CHRDL2: variants seen among roughly 807,000 people sequenced by gnomAD.
CHRDL2 encodes chordin like 2.
A neutral mutation model predicts 54.3 loss-of-function variants in CHRDL2; 41 were observed. The observed-to-expected ratio is 0.76, with a 90% CI of 0.59 to 0.98. CHRDL2 has a LOEUF of 0.98. Ranked by LOEUF, CHRDL2 falls within the 50% of genes least tolerant of loss-of-function variation. The pLI, the probability that CHRDL2 is intolerant of heterozygous loss-of-function variation, is 0.00. For missense variants in CHRDL2, 518 were observed against 562.4 expected (o/e 0.92, Z 0.80); for synonymous variants, 220 against 224.3 (o/e 0.98, Z 0.17).
intron 1 of CHRDL2, among the ~76,000 whole-genome samples, chr11:74,719,822 AC>A (rs2034462937): frequency 6.6e-6 from 1 of 151,844 alleles, no homozygotes; most frequent in African/African-American, 2.4e-5. Flanking sequence ...ACCTCCCATA[AC>A]CCACTGATCC....
chr11:74,728,528 T>TTTGTTG lies in CHRDL2; in HGVS notation c.82+2273_82+2278dup, dbSNP rs5742048. ...TCCAGGACCCAGGTCTGTTCTGTTTTTTGTTGTTGTTGTTGTTGTTGTTTT... is the reference window on the plus strand; with the variant it reads ...TCCAGGACCCAGGTCTGTTCTGTTTTTTGTTGTTGTTGTTGTTGTTGTTGTTGTTTT... On this transcript the variant is annotated intron_variant, in intron 1 of 10. Transcript: ENST00000376332. Among the ~76,000 whole-genome samples, 94 of 150,696 alleles carry TTTGTTG rather than the reference T, an allele frequency of 6.2e-4. 1 individual carries two copies. Among genetic ancestry groups the TTTGTTG allele is most frequent in the South Asian group, 5.3e-3 (25 of 4,732 alleles).
chr11:74,725,138 G>A (rs2034554037), intron 1 of CHRDL2, among the ~76,000 whole-genome samples: 1 of 152,134 alleles, frequency 6.6e-6, no homozygotes, highest in African/African-American at 2.4e-5. Flanking sequence ...GACTACAGGT[G>A]AGTGCCACCA....
rs146299994 is a variant in CHRDL2 at position 74,707,624 on chromosome 11, C to T, written c.526+678G>A. Among the ~76,000 whole-genome samples the T allele has an allele frequency of 4.9e-3, 742 of 152,226 alleles. 1 individual carries two copies. The highest frequency in any genetic ancestry group is 7.7e-3 in the Non-Finnish European group (523 of 68,006). The stretch of plus-strand genomic sequence containing the variant: ...CCTTACCTGTACTAGACCCCTCTCA[C>T]GTGCCACTTATGGTTCTCTCAGCTC... On this transcript the variant is annotated intron_variant, in intron 5 of 10. Transcript: ENST00000376332.
intron 1 of CHRDL2, among the ~76,000 whole-genome samples, chr11:74,727,651 C>T (rs1434736337): frequency 6.6e-6 from 1 of 152,050 alleles, no homozygotes; most frequent in Non-Finnish European, 1.5e-5. Flanking sequence ...GTAATCCATC[C>T]ACCTCGGCCT....
chr11:74,717,019 G>A (rs2034375990), intron 2 of CHRDL2, among the ~76,000 whole-genome samples: 3 of 152,144 alleles, frequency 2.0e-5, no homozygotes, highest in South Asian at 4.1e-4. Context: ...GTCTGAGCCT[G>A]GGAAGTCAAG....
chr11:74,712,004 G>A (rs1176900942), intron 3 of CHRDL2, among the ~76,000 whole-genome samples: 1 of 151,780 alleles, frequency 6.6e-6, no homozygotes, highest in African/African-American at 2.4e-5. Flanking sequence ...TAGAGATGGC[G>A]TTTCACCATG....
chr11:74,725,875 C>G (rs1591371749), intron 1 of CHRDL2, among the ~76,000 whole-genome samples: 1 of 152,194 alleles, frequency 6.6e-6, no homozygotes, highest in Non-Finnish European at 1.5e-5. Context: ...CTCACACCCA[C>G]ACAGCCATAC....
Position 74,731,040 on chromosome 11 carries a change from T to C in CHRDL2, c.-152A>G, listed in dbSNP as rs112740932. The C allele has an allele frequency of 1.6e-5, 10 of 615,560 alleles. No homozygotes were observed. In the African/African-American group the frequency reaches 1.9e-4, roughly 12 times the overall value. 38.1% of individuals were successfully genotyped at this position (615,560 alleles called of 1,614,324 possible). ...TCGGAGAAGGGCCAGGAAGCAGCGG[T>C]GGGCAGGAAAGGAGGGCAGGAAGGG... is the stretch of plus-strand genomic sequence containing the variant. On this transcript the variant is annotated 5_prime_UTR_variant, in exon 1 of 11. Coordinates refer to ENST00000376332, the MANE Select transcript of CHRDL2 (RefSeq NM_001278473.3). The surrounding 1 kb of genome is among the most constrained non-coding windows in gnomAD (Gnocchi z 4.4).
intron 2 of CHRDL2, among the ~76,000 whole-genome samples, chr11:74,717,295 A>C (rs1399360915): frequency 6.6e-6 from 1 of 152,154 alleles, no homozygotes; most frequent in Non-Finnish European, 1.5e-5. Context: ...AGATACCAGC[A>C]AAAGTCCTCT....
chr11:74,701,223 T>C (rs11236222), intron 9 of CHRDL2: 184,951 of 198,536 alleles, frequency 0.93, 86,540 homozygotes, highest in African/African-American at 0.98. Context: ...TTTAATCCTC[T>C]AAAAACCCTC....
intron 1 of CHRDL2, among the ~76,000 whole-genome samples, chr11:74,723,183 G>T (rs1400194862): frequency 6.6e-6 from 1 of 152,194 alleles, no homozygotes; most frequent in Non-Finnish European, 1.5e-5. Context: ...ACAATGGGCA[G>T]GCTTTGGGAC....
intron 3 of CHRDL2, among the ~76,000 whole-genome samples, chr11:74,712,056 C>T (rs1039557461): frequency 3.3e-5 from 5 of 151,904 alleles, no homozygotes; most frequent in South Asian, 2.1e-4. Context: ...GTGATCCGCC[C>T]GCCTCGGCCT....
At chr11:74,718,400 A>G (rs748745342) in intron 2 of CHRDL2, among the ~76,000 whole-genome samples, 15 of 152,118 alleles carry the variant, frequency 9.9e-5, no homozygotes. Flanking sequence ...TAAGGTCAAA[A>G]AGGCTCTGTC....
intron 6 of CHRDL2, 109 bp from the exon 7 acceptor site, chr11:74,704,763 T>A: frequency 9.2e-7 from 1 of 1,087,744 alleles, no homozygotes. Context: ...GACCCCAGCA[T>A]GACTTCCCAG....
chr11:74,729,420 G>C (rs1744094269), intron 1 of CHRDL2, among the ~76,000 whole-genome samples: 1 of 152,228 alleles, frequency 6.6e-6, no homozygotes, highest in Admixed American at 6.5e-5. Flanking sequence ...TTAGGAAATT[G>C]AGGCTCAGAG....
chr11:74,703,576 G>A (rs542307881), intron 7 of CHRDL2, 77 bp from the exon 8 acceptor site: 107 of 1,342,188 alleles, frequency 8.0e-5, no homozygotes, highest in Non-Finnish European at 8.6e-5. Flanking sequence ...CAGCGGGTGG[G>A]GTGGGCCCTT....
At chr11:74,703,681 C>T (rs2033911679) in intron 7 of CHRDL2, among the ~76,000 whole-genome samples, 182 bp from the exon 8 acceptor site, 1 of 152,252 alleles carries the variant, frequency 6.6e-6, no homozygotes, top group Non-Finnish European at 1.5e-5. Flanking sequence ...ACACTGCCCA[C>T]TGCAGCACTC....
chr11:74,716,280 T>G (rs1056151508), intron 2 of CHRDL2, among the ~76,000 whole-genome samples: 10 of 152,114 alleles, frequency 6.6e-5, no homozygotes, highest in Admixed American at 5.2e-4. Flanking sequence ...CTCATGCCTG[T>G]AATCCCAGCA....
intron 3 of CHRDL2, among the ~76,000 whole-genome samples, chr11:74,713,170 C>T (rs572731412): frequency 6.6e-6 from 1 of 152,346 alleles, no homozygotes; most frequent in East Asian, 1.9e-4. Flanking sequence ...TGTCCTCCCT[C>T]CCCTGCCATG....
Sources: allele counts gnomAD v4.1 joint callset (sites outside exome capture counted in the v4.1 genomes callset), GRCh38; gene constraint gnomAD v4.1.1; non-coding constraint Gnocchi (gnomAD v3.1); transcripts MANE v1.5; gene names NCBI Gene and HGNC (gene_info 2026-07-23, HGNC 2026-07-21).